DPP7: variants seen among roughly 807,000 people sequenced by gnomAD.
DPP7 encodes dipeptidyl peptidase 7.
Under a neutral mutation model 58.8 loss-of-function variants are expected in DPP7, and 74 were observed. The observed-to-expected ratio is 1.26, with a 90% CI of 1.04 to 1.53. The LOEUF (loss-of-function observed/expected upper bound fraction) is 1.53, where lower values mean the gene tolerates loss of function less well. Among genes scored for constraint, DPP7 ranks in the 40% most tolerant of loss-of-function variants. The pLI is 0.00. For missense variants in DPP7, 807 were observed against 692.3 expected (o/e 1.17, Z -1.86); for synonymous variants, 350 against 303.6 (o/e 1.15, Z -1.59).
chr9:137,117,661 C>T (rs997686548), upstream of DPP7, among the ~76,000 whole-genome samples: 2 of 152,246 alleles, frequency 1.3e-5, no homozygotes, highest in Non-Finnish European at 2.9e-5. Context: ...TCTGTGCTGT[C>T]CCTCAGACTG....
Position 137,114,386 on chromosome 9 carries a change from T to C in DPP7, c.182-4A>G. Reference sequence around the variant, plus strand: ...TCGCCCCGGACCCAGAACCTGTCTGTGGGGAGGGCGGATGAGGCGAGGGTG... The same window carrying C: ...TCGCCCCGGACCCAGAACCTGTCTGCGGGGAGGGCGGATGAGGCGAGGGTG... On this transcript the variant is annotated splice_region_variant and splice_polypyrimidine_tract_variant and intron_variant, in intron 2 of 12. Transcript: ENST00000371579. 1 of 1,598,568 alleles carries C rather than the reference T, an allele frequency of 6.3e-7. No individual in the cohort carries two copies. The highest frequency in any genetic ancestry group is 8.5e-7 in the Non-Finnish European group (1 of 1,173,894).
intron 4 of DPP7, 156 bp downstream of exon 4, chr9:137,113,708 AG>A: frequency 4.2e-6 from 6 of 1,419,838 alleles, no homozygotes; most frequent in Non-Finnish European, 4.6e-6. Context: ...GACAGGTGGG[AG>A]GGCTTCCTGG....
rs750189450 is a variant in DPP7, at chr9:137,110,894, G to A, written c.1329C>T (p.His443=). The change falls in exon 12 of 13, where the codon CAC becomes CAT. Residue 443 remains histidine, a synonymous_variant. Transcript: ENST00000371579. The part of the protein sequence containing the change: ...VIAVTIQGGA[H]HLDLRASHPE... ...TCCCTCCGCACCTGAGGTCGAGGTG[G>A]TGCGCTCCCCCCTGGATGGTGACGG... 1.9e-6 allele frequency: 3 copies of A among 1,612,676 alleles called. No homozygotes were observed. Among genetic ancestry groups the A allele is most frequent in the Middle Eastern group, 1.7e-4 (1 of 6,058 alleles).
At chr9:137,112,575 C>G (rs1831424624) in intron 8 of DPP7, 170 bp downstream of exon 8, 1 of 847,940 alleles carries the variant, frequency 1.2e-6, no homozygotes, top group Admixed American at 2.7e-5. Flanking sequence ...AGGGACGGCC[C>G]CTGCCTCCCC....
upstream of DPP7, chr9:137,114,799 G>A (rs1356386153): frequency 3.1e-6 from 3 of 974,882 alleles, no homozygotes; most frequent in East Asian, 1.1e-4. Flanking sequence ...CGTGTTTCGG[G>A]CGCCCGCGGT....
At position 137,113,421 on chromosome 9, in the gene DPP7, C is replaced by T. The variant is rs548409700; in HGVS notation, c.561G>A (p.Ala187=). 5 of 1,606,548 alleles carry T rather than the reference C, an allele frequency of 3.1e-6. No homozygotes were observed. The highest frequency in any genetic ancestry group is 2.2e-5 in the South Asian group (2 of 90,852). ...HLVAGALAAS[A]PVLAVAGLGD... is the part of the protein sequence containing the mutation. ...CGAGGCCTGCCACAGCTAGAACGGG[C>T]GCGCTGGCCGCCAGCGCCCCCGCCA... Residue 187 remains alanine (A), a synonymous_variant, in exon 5 of 13, where the codon GCG becomes GCA. Coordinates refer to ENST00000371579, the MANE Select transcript of DPP7 (RefSeq NM_013379.3).
chr9:137,117,989 T>A (rs923277470), upstream of DPP7, among the ~76,000 whole-genome samples: 5 of 151,942 alleles, frequency 3.3e-5, no homozygotes, highest in African/African-American at 1.2e-4. Flanking sequence ...TACAGCATTT[T>A]GTCCTTTTTT....
intron 4 of DPP7, 156 bp downstream of exon 4, chr9:137,113,709 G>C (rs1480457965): frequency 7.0e-7 from 1 of 1,422,928 alleles, no homozygotes; most frequent in Non-Finnish European, 9.2e-7. Flanking sequence ...ACAGGTGGGA[G>C]GGCTTCCTGG....
In DPP7 at chr9:137,112,215, G is replaced by T. The variant is rs767949754; in HGVS notation, c.947C>A (p.Ala316Asp). Residue 316 changes from alanine (A) to aspartate (D), a missense_variant, in exon 9 of 13, where the codon GCC becomes GAC. This residue lies in a region of DPP7 where 624 missense variants were observed against 531.2 expected (regional missense o/e 1.17). Transcript: ENST00000371579. ...LRALAGLVYN[A>D]SGSEHCYDIY... Reference sequence around the variant, plus strand: ...GTCGTAGCAGTGCTCGGAGCCCGAGGCGTTGTAGACCAGCCCTGGGGAGGA... The same window carrying T: ...GTCGTAGCAGTGCTCGGAGCCCGAGTCGTTGTAGACCAGCCCTGGGGAGGA... The T allele has an allele frequency of 9.4e-6, 15 of 1,601,068 alleles. No homozygotes were observed. In the East Asian group the frequency reaches 3.3e-4, roughly 36 times the overall value.
Position 137,113,375 on chromosome 9 carries a change from G to A in DPP7, c.607C>T (p.Arg203Trp), listed in dbSNP as rs775039930. The A allele has an allele frequency of 1.2e-5, 20 of 1,610,584 alleles. No individual in the cohort carries two copies. The highest frequency in any genetic ancestry group is 2.2e-5 in the South Asian group (2 of 91,034). Residue 203 changes from arginine to tryptophan, a missense_variant, in exon 5 of 13, where the codon CGG becomes TGG. Transcript: ENST00000371579. ...GCCTCACTCACCGCCGTGACGTCCC[G>A]GAAGAACTGGTTGGAGTCGCCGAGG... ...AGLGDSNQFFRDVTADFEGQS... is the reference protein window; with the variant it reads ...AGLGDSNQFFWDVTADFEGQS...
At chr9:137,116,863 G>A (rs961135278), upstream of DPP7, among the ~76,000 whole-genome samples, 1 of 152,228 alleles carries the variant, frequency 6.6e-6, no homozygotes, top group African/African-American at 2.4e-5. Context: ...TGGCGGCAAT[G>A]CTGCTCTGTT....
chr9:137,112,893 C>T, intron 7 of DPP7, 60 bp downstream of exon 7: 1 of 1,605,882 alleles, frequency 6.2e-7, no homozygotes, highest in Non-Finnish European at 8.5e-7. Flanking sequence ...AGGCCGCTGA[C>T]CACCAGCCTC....
upstream of DPP7, among the ~76,000 whole-genome samples, chr9:137,115,549 G>A (rs1028002178): frequency 3.9e-5 from 6 of 152,168 alleles, no homozygotes; most frequent in African/African-American, 1.2e-4. Context: ...AGGGGCAGCA[G>A]GGGCTCAGCT....
intron 12 of DPP7, 29 bp from the exon 13 acceptor site, chr9:137,110,812 C>G: frequency 5.0e-6 from 8 of 1,601,812 alleles, no homozygotes; most frequent in Non-Finnish European, 6.8e-6. Context: ...GGGGGCCCGT[C>G]AGCCCCAGCC....
At chr9:137,115,463 T>C (rs551201728), upstream of DPP7, among the ~76,000 whole-genome samples, 6 of 152,214 alleles carry the variant, frequency 3.9e-5, no homozygotes, top group South Asian at 1.2e-3. Context: ...GGGGCCGTAG[T>C]GGTGGGTGCC....
In DPP7 at chr9:137,112,211, C is replaced by G; in HGVS notation, c.951G>C (p.Ser317=). 1 of 1,601,770 alleles carries G rather than the reference C, an allele frequency of 6.2e-7. No homozygotes were observed. The highest frequency in any genetic ancestry group is 8.5e-7 in the Non-Finnish European group (1 of 1,179,338). ...AGATGTCGTAGCAGTGCTCGGAGCC[C>G]GAGGCGTTGTAGACCAGCCCTGGGG... ...RALAGLVYNA[S]GSEHCYDIYR... The change falls in exon 9 of 13, where the codon TCG becomes TCC. Residue 317 remains serine, a synonymous_variant. Coordinates refer to ENST00000371579, the MANE Select transcript of DPP7 (RefSeq NM_013379.3).
intron 8 of DPP7, 72 bp from the exon 9 acceptor site, chr9:137,112,302 C>T (rs1037109931): frequency 1.6e-6 from 2 of 1,288,202 alleles, no homozygotes; most frequent in Non-Finnish European, 2.1e-6. Flanking sequence ...CCAACCTGTC[C>T]CCCCTCGGAA....
chr9:137,112,662 G>A lies in DPP7; in HGVS notation c.931+83C>T, dbSNP rs754270721. 522 of 1,494,318 alleles carry A rather than the reference G, an allele frequency of 3.5e-4. 1 individual carries two copies. Among genetic ancestry groups the A allele is most frequent in the South Asian group, 4.4e-4 (36 of 82,664 alleles). 92.6% of individuals were successfully genotyped at this position (1,494,318 alleles called of 1,614,324 possible). A position where few individuals can be genotyped will look rare whatever the true frequency, so the allele number is the denominator to read the frequency against. On this transcript the variant is annotated intron_variant, in intron 8 of 12. Transcript: ENST00000371579. ...GAGGCAAAGCCCCTGGCCGGGCTGC[G>A]GATCCTCGCCCCACCCGGCCCCAGG...
intron 11 of DPP7, 66 bp from the exon 12 acceptor site, chr9:137,111,016 A>T (rs1831337167): frequency 6.7e-7 from 1 of 1,495,194 alleles, no homozygotes; most frequent in Admixed American, 1.8e-5. Flanking sequence ...CCGTGGGCCC[A>T]TTGGAGAGGA....
Sources: gnomAD v4.1 joint callset for allele counts (sites outside exome capture counted in the v4.1 genomes callset) on GRCh38, gnomAD v4.1.1 for gene constraint, gnomAD v4.1.1 regional missense constraint, MANE v1.5 for transcripts, NCBI Gene and HGNC (gene_info 2026-07-23, HGNC 2026-07-21) for gene names.